SPAG16: variants seen among roughly 807,000 people sequenced by gnomAD.
SPAG16 encodes the protein sperm associated antigen 16.
Under a neutral mutation model 80.4 loss-of-function variants are expected in SPAG16, and 86 were observed. The ratio of observed to expected loss-of-function variants is 1.07; its 90% CI spans 0.90 to 1.28. The LOEUF (loss-of-function observed/expected upper bound fraction) is 1.28, where lower values mean the gene tolerates loss of function less well. Among genes scored for constraint, SPAG16 ranks in the 50% most tolerant of loss-of-function variants. The pLI is 0.00. For synonymous variants in SPAG16, 294 were observed against 265.9 expected (o/e 1.11, Z -1.03); for missense variants, 870 against 765.3 (o/e 1.14, Z -1.61).
intron 15 of SPAG16, among the ~76,000 whole-genome samples, chr2:214,359,235 A>G (rs1466127258): frequency 6.6e-6 from 1 of 151,892 alleles, no homozygotes; most frequent in East Asian, 1.9e-4. Context: ...CATTATATAG[A>G]TGAGAAAATA....
At chr2:213,913,565 GTGTGTATATATATGTACATGTACATA>G (rs2077783787) in intron 11 of SPAG16, among the ~76,000 whole-genome samples, 1 of 113,886 alleles carries the variant, frequency 8.8e-6, no homozygotes, top group Non-Finnish European at 1.9e-5. Flanking sequence ...ATCTCTCTGT[GTGTGTATATATATGTACATGTACATA>G]TATGTATATG....
chr2:213,512,005 A>G (rs1177694578), intron 10 of SPAG16, among the ~76,000 whole-genome samples: 2 of 152,142 alleles, frequency 1.3e-5, no homozygotes, highest in South Asian at 2.1e-4. Context: ...GAAAAATAAA[A>G]TAAAATATAT....
intron 10 of SPAG16, among the ~76,000 whole-genome samples, chr2:213,594,136 G>C (rs145015100): frequency 6.6e-6 from 1 of 152,162 alleles, no homozygotes; most frequent in Non-Finnish European, 1.5e-5. Flanking sequence ...ATTTTTCAAT[G>C]CATCACATTC....
rs563820051 is a variant in SPAG16, at chr2:213,892,355, A to T, written c.1214+29727A>T. On this transcript the variant is annotated intron_variant, in intron 11 of 15. Coordinates refer to ENST00000331683, the MANE Select transcript of SPAG16 (RefSeq NM_024532.5). ...CAATAAAAATCAAAACAAGCAAGAC[A>T]GAGAAGACTGAAATAAATACCTAAT... Among the ~76,000 whole-genome samples the T allele has an allele frequency of 2.6e-5, 4 of 152,298 alleles. No homozygotes were observed. In the East Asian group the frequency reaches 7.7e-4, roughly 29 times the overall value.
chr2:213,920,900 C>G (rs1365448990), intron 11 of SPAG16, among the ~76,000 whole-genome samples: 1 of 152,230 alleles, frequency 6.6e-6, no homozygotes. Context: ...CTAAGCAGCT[C>G]TTTGTTCCAA....
At chr2:213,597,583 T>C (rs957179575) in intron 10 of SPAG16, among the ~76,000 whole-genome samples, 11 of 152,200 alleles carry the variant, frequency 7.2e-5, no homozygotes, top group African/African-American at 2.7e-4. Flanking sequence ...TATATTATAA[T>C]TTCTTTTTTT....
chr2:213,741,457 G>A (rs1289750113), intron 10 of SPAG16, among the ~76,000 whole-genome samples: 1 of 152,044 alleles, frequency 6.6e-6, no homozygotes, highest in Non-Finnish European at 1.5e-5. Flanking sequence ...TTGTAAATGA[G>A]TTAACCTTAC....
intron 15 of SPAG16, among the ~76,000 whole-genome samples, chr2:214,184,853 C>A (rs1462643843): frequency 6.6e-6 from 1 of 151,690 alleles, no homozygotes; most frequent in East Asian, 1.9e-4. Context: ...GTCTTCTGTC[C>A]AATAAATTTT....
chr2:214,226,582 T>C (rs1383245205), intron 15 of SPAG16, among the ~76,000 whole-genome samples: 3 of 152,032 alleles, frequency 2.0e-5, no homozygotes, highest in Non-Finnish European at 4.4e-5. Context: ...TTCTGACCTT[T>C]TGTTGTTCAC....
chr2:213,318,781 A>G (rs2063505395), intron 5 of SPAG16, among the ~76,000 whole-genome samples: 2 of 151,982 alleles, frequency 1.3e-5, no homozygotes, highest in South Asian at 4.1e-4. Context: ...TTTTAAATAT[A>G]AACTGCACTA....
intron 14 of SPAG16, among the ~76,000 whole-genome samples, chr2:214,125,997 T>TC (rs2054457828): frequency 1.7e-5 from 2 of 120,992 alleles, no homozygotes; most frequent in African/African-American, 6.1e-5. Flanking sequence ...TTTCCTTCCT[T>TC]CTTTCCTTCC....
intron 9 of SPAG16, among the ~76,000 whole-genome samples, chr2:213,427,517 C>T (rs1181209010): frequency 6.6e-6 from 1 of 152,148 alleles, no homozygotes; most frequent in Admixed American, 6.6e-5. Context: ...ACTGTTTTGA[C>T]TGGCTTCTAA....
chr2:213,894,081 G>C (rs2076896106), intron 11 of SPAG16, among the ~76,000 whole-genome samples: 2 of 152,040 alleles, frequency 1.3e-5, no homozygotes, highest in South Asian at 4.1e-4. Context: ...CTAAAAAAGA[G>C]CAGAAGTAGC....
At chr2:214,036,760 C>T (rs944164444) in intron 13 of SPAG16, among the ~76,000 whole-genome samples, 1 of 152,160 alleles carries the variant, frequency 6.6e-6, no homozygotes, top group Admixed American at 6.5e-5. Flanking sequence ...GAGGCCTACT[C>T]AGTAGCATTC....
chr2:214,264,936 T>A (rs1197777325), intron 15 of SPAG16, among the ~76,000 whole-genome samples: 1 of 152,156 alleles, frequency 6.6e-6, no homozygotes, highest in Admixed American at 6.6e-5. Flanking sequence ...AAGGTTCCCC[T>A]ATGTCTCTTC....
intron 7 of SPAG16, among the ~76,000 whole-genome samples, chr2:213,352,926 G>A (rs775089229): frequency 1.6e-4 from 25 of 152,086 alleles, no homozygotes; most frequent in Non-Finnish European, 3.1e-4. Context: ...TTTAACACAG[G>A]GTGTTTGAAT....
chr2:213,292,663 C>CAAAAAAA (rs1248465249), intron 1 of SPAG16, among the ~76,000 whole-genome samples: 2 of 76,368 alleles, frequency 2.6e-5, no homozygotes, highest in African/African-American at 1.4e-4. Context: ...GACTCCGTCT[C>CAAAAAAA]AAAAAAAAAA....
At chr2:214,100,679 A>G (rs1285642253) in intron 13 of SPAG16, among the ~76,000 whole-genome samples, 2 of 152,236 alleles carry the variant, frequency 1.3e-5, no homozygotes, top group Non-Finnish European at 2.9e-5. Context: ...ACTTAAGATA[A>G]TGACCTCCAG....
intron 10 of SPAG16, among the ~76,000 whole-genome samples, chr2:213,643,400 A>ATATATATATATG (rs2062696098): frequency 2.2e-5 from 1 of 44,464 alleles, no homozygotes; most frequent in Admixed American, 3.3e-4. Context: ...ATATATATAT[A>ATATATATATATG]TATATATATA....
Sources: allele counts gnomAD v4.1 joint callset (sites outside exome capture counted in the v4.1 genomes callset), GRCh38; gene constraint gnomAD v4.1.1; transcripts MANE v1.5; gene names NCBI Gene and HGNC (gene_info 2026-07-23, HGNC 2026-07-21).